The following MGAT5 variants were observed in gnomAD, a reference collection of about 807,000 sequenced individuals.
MGAT5 encodes the protein alpha-1,6-mannosylglycoprotein 6-beta-N-acetylglucosaminyltransferase A.
Under a neutral mutation model 94.3 loss-of-function variants are expected in MGAT5, and 30 were observed. The ratio of observed to expected loss-of-function variants is 0.32; its 90% CI spans 0.24 to 0.43. MGAT5 has a LOEUF of 0.43. MGAT5 is among the 20% of genes least tolerant of loss of function. The pLI is 1.00. For missense variants in MGAT5, 691 were observed against 905.5 expected, an observed-to-expected ratio of 0.76 and a Z score of 3.04; for synonymous variants, 310 against 322.9, an observed-to-expected ratio of 0.96 and a Z score of 0.43.
rs1267750337 is a variant in MGAT5 at position 134,448,666 on chromosome 2, A to G, written c.2045A>G (p.Gln682Arg). 1.9e-6 allele frequency: 3 copies of G among 1,614,054 alleles called. No homozygotes were observed. Among genetic ancestry groups the G allele is most frequent in the Non-Finnish European group, 2.5e-6 (3 of 1,180,018 alleles). Residue 682 changes from glutamine (Q) to arginine (R), a missense_variant, in exon 16 of 16, where the codon CAA (glutamine) becomes CGA (arginine). Physicochemically the swap from Gln to Arg is conservative, Grantham distance 43. This residue lies in a region of MGAT5 where 260 missense variants were observed against 347.0 expected (regional missense o/e 0.75). Coordinates refer to ENST00000281923, the MANE Select transcript of MGAT5 (RefSeq NM_002410.5). ...KDMLKYKVTC[Q>R]SSELAKDILV... ...CTCTTCAGGTACAAGGTGACCTGCC[A>G]AAGCTCAGAGCTGGCCAAGGACATC... is the stretch of plus-strand genomic sequence containing the variant.
At chr2:134,419,023 A>G (rs1264464241) in intron 12 of MGAT5, among the ~76,000 whole-genome samples, 5 of 152,230 alleles carry the variant, frequency 3.3e-5, no homozygotes, top group Non-Finnish European at 7.3e-5. Context: ...AGAATCAAAA[A>G]TCCCTAGAAA....
intron 1 of MGAT5, among the ~76,000 whole-genome samples, chr2:134,164,106 C>A (rs186775912): frequency 6.6e-6 from 1 of 152,330 alleles, no homozygotes; most frequent in East Asian, 1.9e-4. Flanking sequence ...CTGTTCTAAT[C>A]CAGCAGTAAC....
At chr2:134,441,720 C>T (rs1210695472) in intron 14 of MGAT5, 38 bp from the exon 15 acceptor site, 4 of 1,590,994 alleles carry the variant, frequency 2.5e-6, no homozygotes, top group African/African-American at 2.7e-5. Context: ...CCAGCTGTAT[C>T]CTTGGACCTG....
At position 134,208,369 on chromosome 2, in the gene MGAT5, C is replaced by T. The variant is rs372845262; in HGVS notation, c.-142-45893C>T. 3.3e-5 allele frequency among the ~76,000 whole-genome samples: 5 copies of T among 152,260 alleles called. No homozygotes were observed. The East Asian group carries it at 7.7e-4, about 23-fold the overall frequency. ...TACTTAACTATTAGTATGTATGCTA[C>T]GGTGTAAATGTACCACACTCAGAAA... On this transcript the variant is annotated intron_variant, in intron 1 of 16. Coordinates refer to the MGAT5 transcript ENST00000409645.
intron 1 of MGAT5, among the ~76,000 whole-genome samples, chr2:134,221,062 A>T: frequency 6.6e-6 from 1 of 152,146 alleles, no homozygotes; most frequent in East Asian, 1.9e-4. Context: ...TGTGATTTTT[A>T]AGAAAATGTG....
At chr2:134,148,661 G>A (rs1490645437) in intron 1 of MGAT5, among the ~76,000 whole-genome samples, 1 of 151,304 alleles carries the variant, frequency 6.6e-6, no homozygotes, top group African/African-American at 2.4e-5. Context: ...TACTATACAT[G>A]TTATACACAT....
intron 1 of MGAT5, among the ~76,000 whole-genome samples, chr2:134,170,898 A>T (rs1017710295): frequency 6.7e-6 from 1 of 149,116 alleles, no homozygotes; most frequent in Non-Finnish European, 1.5e-5. Context: ...TTGCTCTGTC[A>T]CCCAGGCTGG....
At chr2:134,441,156 C>T (rs1338627496) in intron 14 of MGAT5, among the ~76,000 whole-genome samples, 4 of 152,224 alleles carry the variant, frequency 2.6e-5, no homozygotes, top group Non-Finnish European at 5.9e-5. Flanking sequence ...AACCAACCAG[C>T]ACTAAGTCCC....
intron 14 of MGAT5, among the ~76,000 whole-genome samples, chr2:134,429,147 C>T (rs1684747460): frequency 6.6e-6 from 1 of 152,042 alleles, no homozygotes; most frequent in African/African-American, 2.4e-5. Context: ...GGTGCTCTTC[C>T]TAAAGGATAA....
intron 10 of MGAT5, among the ~76,000 whole-genome samples, chr2:134,386,076 C>T (rs1165070794): frequency 6.6e-6 from 1 of 152,096 alleles, no homozygotes; most frequent in Non-Finnish European, 1.5e-5. Flanking sequence ...GTGACAAATT[C>T]TCAAAAAGGT....
At chr2:134,157,905 G>A (rs1687550272) in intron 1 of MGAT5, among the ~76,000 whole-genome samples, 2 of 152,174 alleles carry the variant, frequency 1.3e-5, no homozygotes, top group South Asian at 2.1e-4. Context: ...ACTTGAAGTG[G>A]GTAGCTTCTA....
chr2:134,275,930 C>A (rs923875454), intron 2 of MGAT5, among the ~76,000 whole-genome samples: 1 of 152,074 alleles, frequency 6.6e-6, no homozygotes, highest in Non-Finnish European at 1.5e-5. Flanking sequence ...CTGCAAAAAG[C>A]ATCCTACAAT....
rs1686056331 is a variant in MGAT5, at chr2:134,450,779, A to AGT, written c.*1934_*1935dup. Reference sequence around the variant, plus strand: ...CAGAAGTCCAAAGGAAACCTTGGTGAGTGAGTGTGTGTGTGTGTGTGTGTG... The same window carrying AGT: ...CAGAAGTCCAAAGGAAACCTTGGTGAGTGTGAGTGTGTGTGTGTGTGTGTGTG... On this transcript the variant is annotated 3_prime_UTR_variant, in exon 16 of 16. Transcript: ENST00000281923. 1 of 118,610 alleles carries AGT rather than the reference A, an allele frequency of 8.4e-6. No homozygotes were observed. The highest frequency in any genetic ancestry group is 1.7e-5 in the Non-Finnish European group (1 of 57,970). 7.3% of individuals were successfully genotyped at this position (118,610 alleles called of 1,614,324 possible).
At chr2:134,178,208 G>C (rs1688569919) in intron 1 of MGAT5, among the ~76,000 whole-genome samples, 1 of 152,130 alleles carries the variant, frequency 6.6e-6, no homozygotes. Context: ...ATTGCTTCTA[G>C]AGCCAGTGTT....
intron 1 of MGAT5, among the ~76,000 whole-genome samples, chr2:134,165,636 A>G (rs918467594): frequency 2.6e-5 from 4 of 152,064 alleles, no homozygotes; most frequent in Non-Finnish European, 5.9e-5. Context: ...TTAGCCAGTC[A>G]TGGTGGCGGG....
At chr2:134,139,594 T>A (rs1686572352) in intron 1 of MGAT5, among the ~76,000 whole-genome samples, 2 of 152,140 alleles carry the variant, frequency 1.3e-5, no homozygotes, top group Admixed American at 6.5e-5. Context: ...AGGGTTCTTA[T>A]AAATGATATT....
At chr2:134,279,521 GAAT>G (rs1684571308) in intron 2 of MGAT5, among the ~76,000 whole-genome samples, 1 of 152,092 alleles carries the variant, frequency 6.6e-6, no homozygotes, top group Non-Finnish European at 1.5e-5. Context: ...ACCCTTCAAG[GAAT>G]ACATGGCTTG....
In MGAT5 at chr2:134,205,860, T is replaced by A. The variant is rs530843210; in HGVS notation, c.-142-48402T>A. 7.2e-5 allele frequency among the ~76,000 whole-genome samples: 11 copies of A among 152,234 alleles called. No individual in the cohort carries two copies. The East Asian group carries it at 1.7e-3, about 24-fold the overall frequency. On this transcript the variant is annotated intron_variant, in intron 1 of 16. Transcript: ENST00000409645. ...ATTGCTTCAGTGTCCTGAAGGCAGA[T>A]CAATGAGAAGGAGCAGTTCTATAAA...
At chr2:134,224,805 A>G (rs967488557) in intron 1 of MGAT5, among the ~76,000 whole-genome samples, 1 of 152,140 alleles carries the variant, frequency 6.6e-6, no homozygotes, top group Non-Finnish European at 1.5e-5. Flanking sequence ...TAGGCCAGGC[A>G]TGGAGGCTCA....
Sources: gnomAD v4.1 joint callset for allele counts (sites outside exome capture counted in the v4.1 genomes callset) on GRCh38, gnomAD v4.1.1 for gene constraint, gnomAD v4.1.1 regional missense constraint, MANE v1.5 for transcripts, NCBI Gene and HGNC (gene_info 2026-07-23, HGNC 2026-07-21) for gene names.